NEK1: variants seen among roughly 807,000 people sequenced by gnomAD.
NEK1 encodes the protein NIMA related kinase 1.
NEK1 carries 137 observed loss-of-function variants against 182.1 expected under a neutral mutation model. The observed-to-expected ratio is 0.75, with a 90% CI of 0.65 to 0.87. The LOEUF is 0.87. NEK1 is among the 40% of genes least tolerant of loss of function. The pLI is 0.00. For synonymous variants in NEK1, 513 were observed against 492.2 expected (o/e 1.04, Z -0.56); for missense variants, 1,391 against 1,494.4 (o/e 0.93, Z 1.14).
chr4:169,481,863 T>C (rs1748092974), intron 23 of NEK1, among the ~76,000 whole-genome samples: 1 of 152,200 alleles, frequency 6.6e-6, no homozygotes, highest in Admixed American at 6.5e-5. Context: ...GACTTCTCTT[T>C]AGCTTTGAAG....
chr4:169,422,953 T>C (rs981772894), intron 31 of NEK1, among the ~76,000 whole-genome samples: 18 of 152,178 alleles, frequency 1.2e-4, no homozygotes, highest in Non-Finnish European at 2.2e-4. Flanking sequence ...CTGAAGATCA[T>C]AAATTGGTTT....
chr4:169,526,430 A>C (rs1756913686), intron 19 of NEK1, among the ~76,000 whole-genome samples: 1 of 152,198 alleles, frequency 6.6e-6, no homozygotes, highest in Non-Finnish European at 1.5e-5. Context: ...GTGAGGCTGC[A>C]GTGAGCTACA....
intron 32 of NEK1, among the ~76,000 whole-genome samples, chr4:169,404,267 C>T (rs1257584372): frequency 6.6e-6 from 1 of 151,902 alleles, no homozygotes; most frequent in Non-Finnish European, 1.5e-5. Flanking sequence ...TGACTACAGT[C>T]AAGTAGAAGA....
intron 12 of NEK1, among the ~76,000 whole-genome samples, chr4:169,572,906 GA>G (rs1175885366): frequency 6.6e-5 from 10 of 152,262 alleles, no homozygotes; most frequent in African/African-American, 2.2e-4. Flanking sequence ...GGTTCAAAAT[GA>G]AATGAACTGG....
At chr4:169,483,950 A>G (rs1433668244) in intron 23 of NEK1, among the ~76,000 whole-genome samples, 2 of 151,786 alleles carry the variant, frequency 1.3e-5, no homozygotes, top group African/African-American at 4.8e-5. Context: ...TTGAAAGATT[A>G]TATCTAAATA....
rs1412406325 is a variant in NEK1 at position 169,550,954 on chromosome 4, TTACAAA to T, written c.1562+4760_1562+4765del. Among the ~76,000 whole-genome samples the T allele has an allele frequency of 1.3e-4, 20 of 152,308 alleles. No homozygotes were observed. The East Asian group carries it at 3.9e-3, about 29-fold the overall frequency. Reference sequence around the variant, plus strand: ...AGTGCTACACATATTGATTTTGAGGTTACAAATACATTTTAGCAAGTAGGTAAATTC... The same window carrying T: ...AGTGCTACACATATTGATTTTGAGGTTACATTTTAGCAAGTAGGTAAATTC... On this transcript the variant is annotated intron_variant, in intron 18 of 35. Coordinates refer to ENST00000507142, the MANE Select transcript of NEK1 (RefSeq NM_001199397.3).
At chr4:169,464,291 T>C (rs1744522381) in intron 26 of NEK1, among the ~76,000 whole-genome samples, 1 of 152,200 alleles carries the variant, frequency 6.6e-6, no homozygotes. Flanking sequence ...ACCGCAGGCT[T>C]TCAGTCTCCA....
chr4:169,402,155 C>T (rs555239536), intron 32 of NEK1, among the ~76,000 whole-genome samples: 5 of 152,212 alleles, frequency 3.3e-5, no homozygotes, highest in East Asian at 3.9e-4. Context: ...ACATAACTAT[C>T]GATGTTACTC....
intron 23 of NEK1, among the ~76,000 whole-genome samples, chr4:169,482,256 C>G (rs1748176177): frequency 6.6e-6 from 1 of 152,094 alleles, no homozygotes. Flanking sequence ...AAAGCTTTCT[C>G]CATATCAGCA....
intron 19 of NEK1, among the ~76,000 whole-genome samples, chr4:169,511,355 GAT>G (rs1436735353): frequency 6.6e-6 from 1 of 152,092 alleles, no homozygotes; most frequent in African/African-American, 2.4e-5. Flanking sequence ...AAAGATGTGA[GAT>G]AAATTCTGAA....
intron 19 of NEK1, among the ~76,000 whole-genome samples, chr4:169,526,686 A>C (rs919289672): frequency 8.5e-5 from 13 of 152,192 alleles, no homozygotes; most frequent in African/African-American, 2.9e-4. Context: ...CTAATTCCAG[A>C]GGGTTAATCC....
intron 12 of NEK1, among the ~76,000 whole-genome samples, chr4:169,566,680 T>C (rs114622120): frequency 0.011 from 1,644 of 152,270 alleles, 27 homozygotes; most frequent in African/African-American, 0.037. Context: ...GACAGTATCT[T>C]AAGTGGTTAA....
In NEK1 at chr4:169,555,672, C is replaced by T. The variant is rs375689809; in HGVS notation, c.1562+48G>A. 5.7e-4 allele frequency: 918 copies of T among 1,611,916 alleles called. 5 individuals carry two copies. In the South Asian group the frequency reaches 6.7e-3, roughly 12 times the overall value. On this transcript the variant is annotated intron_variant, in intron 18 of 35. Coordinates refer to ENST00000507142, the MANE Select transcript of NEK1 (RefSeq NM_001199397.3). ...TAGGTACTAAGCTATGTATGACAAA[C>T]GACAAAATTACACACATGGATGAAT... is the stretch of plus-strand genomic sequence containing the variant.
chr4:169,485,007 A>C (rs1748783106), intron 23 of NEK1, among the ~76,000 whole-genome samples: 1 of 152,232 alleles, frequency 6.6e-6, no homozygotes, highest in South Asian at 2.1e-4. Context: ...AAATGTATTA[A>C]GTTTCAGAAT....
chr4:169,489,541 A>G (rs557876953), intron 23 of NEK1, among the ~76,000 whole-genome samples: 2 of 152,206 alleles, frequency 1.3e-5, no homozygotes, highest in East Asian at 3.9e-4. Context: ...TCCCTTCCCC[A>G]ATGCCTAAGT....
At chr4:169,569,459 T>TCCCC (rs1764273025) in intron 12 of NEK1, among the ~76,000 whole-genome samples, 2 of 72,422 alleles carry the variant, frequency 2.8e-5, no homozygotes, top group Non-Finnish European at 4.8e-5. Flanking sequence ...TCCCTCCCTC[T>TCCCC]CTCCCTCCCT....
intron 26 of NEK1, among the ~76,000 whole-genome samples, chr4:169,472,419 G>A (rs951608049): frequency 1.3e-5 from 2 of 152,124 alleles, no homozygotes; most frequent in African/African-American, 2.4e-5. Context: ...CTTCCCAGGT[G>A]AGGCAACGCC....
At chr4:169,490,993 A>G (rs1288921202) in intron 23 of NEK1, among the ~76,000 whole-genome samples, 3 of 151,926 alleles carry the variant, frequency 2.0e-5, no homozygotes, top group Non-Finnish European at 4.4e-5. Context: ...AATACAAAAA[A>G]TTAGCCAGGT....
chr4:169,455,346 T>G (rs1386208046), intron 27 of NEK1, among the ~76,000 whole-genome samples: 3 of 147,860 alleles, frequency 2.0e-5, no homozygotes, highest in African/African-American at 7.4e-5. Context: ...AAAAGAAGAC[T>G]CAATGAACAG....
Sources: allele counts gnomAD v4.1 joint callset (sites outside exome capture counted in the v4.1 genomes callset), GRCh38; gene constraint gnomAD v4.1.1; transcripts MANE v1.5; gene names NCBI Gene and HGNC (gene_info 2026-07-23, HGNC 2026-07-21).